CCSER1: variants seen among roughly 807,000 people sequenced by gnomAD.
CCSER1 encodes serine-rich coiled-coil domain-containing protein 1.
Under a neutral mutation model 82.0 loss-of-function variants are expected in CCSER1, and 41 were observed. That is an observed-to-expected ratio of 0.50 (90% CI 0.39 to 0.65). CCSER1 has a LOEUF of 0.65. CCSER1 is among the 30% of genes least tolerant of loss of function. The probability of loss-of-function intolerance (pLI) is 0.00; values close to 1 mark genes in which losing one functional copy is unlikely to be tolerated. For missense variants in CCSER1, 1,119 were observed against 1,064.2 expected (o/e 1.05, Z -0.72); for synonymous variants, 414 against 383.9 (o/e 1.08, Z -0.92).
intron 1 of CCSER1, among the ~76,000 whole-genome samples, chr4:90,301,571 A>G (rs1560980415): frequency 6.6e-6 from 1 of 152,148 alleles, no homozygotes; most frequent in Non-Finnish European, 1.5e-5. Context: ...TTAAAGTTAT[A>G]ATTAAAAAAC....
chr4:91,382,640 A>G (rs937351481), intron 10 of CCSER1, among the ~76,000 whole-genome samples: 4 of 152,024 alleles, frequency 2.6e-5, no homozygotes, highest in Admixed American at 6.6e-5. Flanking sequence ...GAATTCCCTG[A>G]CCCATTGCGC....
At chr4:91,310,784 G>C (rs1011802533) in intron 10 of CCSER1, among the ~76,000 whole-genome samples, 2 of 151,794 alleles carry the variant, frequency 1.3e-5, no homozygotes, top group Non-Finnish European at 2.9e-5. Flanking sequence ...CTGTGGCCCA[G>C]GACAGCTTTG....
chr4:91,130,440 G>A (rs1727897924), intron 10 of CCSER1, among the ~76,000 whole-genome samples: 1 of 151,648 alleles, frequency 6.6e-6, no homozygotes, highest in African/African-American at 2.4e-5. Context: ...ACCTGACCAG[G>A]TCCTTCTCAG....
At chr4:90,702,299 G>A (rs1738319421) in intron 6 of CCSER1, among the ~76,000 whole-genome samples, 1 of 152,132 alleles carries the variant, frequency 6.6e-6, no homozygotes, top group African/African-American at 2.4e-5. Flanking sequence ...TGTTTAACCA[G>A]CCTTGCATCC....
At chr4:91,384,252 T>C (rs1035121658) in intron 10 of CCSER1, among the ~76,000 whole-genome samples, 3 of 152,066 alleles carry the variant, frequency 2.0e-5, no homozygotes, top group African/African-American at 4.8e-5. Flanking sequence ...TCTTTGTAGT[T>C]TGGCTGAGTG....
intron 1 of CCSER1, among the ~76,000 whole-genome samples, chr4:90,226,629 T>C (rs1396163743): frequency 6.6e-6 from 1 of 152,232 alleles, no homozygotes; most frequent in Non-Finnish European, 1.5e-5. Context: ...AATAAATATA[T>C]TTAACTTCAG....
rs552572147 is a variant in CCSER1, at chr4:91,460,976, A to T, written c.2218-137596A>T. ...AAAAATCCCATTTTCCCTGGCTTCT[A>T]TGACTTTTATGACTTTTAGAGATGT... On this transcript the variant is annotated intron_variant, in intron 10 of 10. Coordinates refer to ENST00000509176, the MANE Select transcript of CCSER1 (RefSeq NM_001145065.2). Among the ~76,000 whole-genome samples the T allele has an allele frequency of 1.8e-4, 27 of 152,270 alleles. 1 individual carries two copies. The South Asian group carries it at 5.2e-3, about 29-fold the overall frequency.
chr4:90,140,277 A>C (rs918016355), intron 1 of CCSER1, among the ~76,000 whole-genome samples: 1 of 152,154 alleles, frequency 6.6e-6, no homozygotes, highest in South Asian at 2.1e-4. Context: ...ACTTAAAGGG[A>C]TGAATTTTCG....
chr4:91,295,167 C>T (rs142343033), intron 10 of CCSER1, among the ~76,000 whole-genome samples: 91 of 151,972 alleles, frequency 6.0e-4, no homozygotes, highest in African/African-American at 2.0e-3. Context: ...ATGATTTAAG[C>T]TATCTAATGA....
At chr4:91,179,864 C>A (rs1295997885) in intron 10 of CCSER1, among the ~76,000 whole-genome samples, 3 of 152,188 alleles carry the variant, frequency 2.0e-5, no homozygotes, top group Non-Finnish European at 4.4e-5. Context: ...GAGCTACATT[C>A]CTTTGGAGGA....
At chr4:90,396,222 CTAATTTATCAAATGTCTGAAATGCA>C (rs2153541905) in intron 3 of CCSER1, among the ~76,000 whole-genome samples, 1 of 152,268 alleles carries the variant, frequency 6.6e-6, no homozygotes, top group African/African-American at 2.4e-5. Context: ...CTACATTCTG[CTAATTTATCAAATGTCTGAAATGCA>C]TAATTGCACC....
rs530229943 is a variant in CCSER1 at position 91,180,004 on chromosome 4, C to G, written c.2217+94010C>G. Among the ~76,000 whole-genome samples, 3 of 152,198 alleles carry G rather than the reference C, an allele frequency of 2.0e-5. No homozygotes were observed. In the East Asian group the frequency reaches 5.8e-4, roughly 29 times the overall value. On this transcript the variant is annotated intron_variant, in intron 10 of 10. Coordinates refer to ENST00000509176, the MANE Select transcript of CCSER1 (RefSeq NM_001145065.2). ...TGGGGTTTTGGTGTGGATGTCCTTT[C>G]TGTTTATTAGTTTTCCTTCTAATAG...
chr4:91,482,875 A>G (rs1021032461), intron 10 of CCSER1, among the ~76,000 whole-genome samples: 8 of 152,068 alleles, frequency 5.3e-5, no homozygotes, highest in Admixed American at 4.6e-4. Flanking sequence ...GTTCTCACTC[A>G]TAGGTGGGAA....
At chr4:91,290,892 C>A (rs952927553) in intron 10 of CCSER1, among the ~76,000 whole-genome samples, 5 of 151,706 alleles carry the variant, frequency 3.3e-5, no homozygotes, top group Non-Finnish European at 7.4e-5. Context: ...GTGGGCTAAT[C>A]CTAAAACAAA....
chr4:90,982,945 G>A (rs890806047), intron 9 of CCSER1, among the ~76,000 whole-genome samples: 1 of 151,728 alleles, frequency 6.6e-6, no homozygotes, highest in African/African-American at 2.4e-5. Context: ...CCAAGAACAC[G>A]ATTGATAGTT....
intron 9 of CCSER1, among the ~76,000 whole-genome samples, chr4:91,019,061 T>C (rs577889363): frequency 6.6e-6 from 1 of 152,178 alleles, no homozygotes. Context: ...TAAGTGGTCA[T>C]TAAATGAATG....
chr4:91,325,255 T>A (rs1450462053), intron 10 of CCSER1: 1 of 420,646 alleles, frequency 2.4e-6, no homozygotes, highest in Admixed American at 3.1e-5. Context: ...TGCACATGGG[T>A]CCTAGGCAGG....
At chr4:90,623,418 C>G (rs540243259) in intron 5 of CCSER1, among the ~76,000 whole-genome samples, 1 of 151,994 alleles carries the variant, frequency 6.6e-6, no homozygotes, top group African/African-American at 2.4e-5. Flanking sequence ...CATTTCAGCG[C>G]CTGAATGAAG....
At chr4:90,383,016 T>G (rs1310621543) in intron 3 of CCSER1, among the ~76,000 whole-genome samples, 2 of 152,140 alleles carry the variant, frequency 1.3e-5, no homozygotes, top group African/African-American at 2.4e-5. Context: ...TTGTGGGAGC[T>G]GCAAAGGGTG....
Sources: allele counts gnomAD v4.1 joint callset (sites outside exome capture counted in the v4.1 genomes callset), GRCh38; gene constraint gnomAD v4.1.1; transcripts MANE v1.5; gene names NCBI Gene and HGNC (gene_info 2026-07-23, HGNC 2026-07-21).